TLN1: variants seen among roughly 807,000 people sequenced by gnomAD.
TLN1 encodes talin-1.
TLN1 carries 56 observed loss-of-function variants against 292.3 expected under a neutral mutation model. The observed-to-expected ratio is 0.19, with a 90% CI of 0.15 to 0.24. The LOEUF (loss-of-function observed/expected upper bound fraction) is 0.24, where lower values mean the gene tolerates loss of function less well. Ranked by LOEUF, TLN1 falls within the 10% of genes least tolerant of loss-of-function variation. The pLI, the probability that TLN1 is intolerant of heterozygous loss-of-function variation, is 1.00. For synonymous variants in TLN1, 1,119 were observed against 1,253.7 expected (o/e 0.89, Z 2.27); for missense variants, 2,433 against 3,248.2 (o/e 0.75, Z 6.10).
intron 10 of TLN1, among the ~76,000 whole-genome samples, 186 bp downstream of exon 10, chr9:35,721,462 A>G (rs1428255652): frequency 1.3e-5 from 2 of 152,214 alleles, no homozygotes; most frequent in East Asian, 1.9e-4. Flanking sequence ...ATTTTAAAGA[A>G]TAAGTCCATC....
In TLN1 at chr9:35,698,549, G is replaced by T. The variant is rs369570154; in HGVS notation, c.7189-44C>A. On this transcript the variant is annotated intron_variant, in intron 54 of 56. Transcript: ENST00000314888. The surrounding 1 kb of genome is among the most constrained non-coding windows in gnomAD (Gnocchi z 5.3). Reference sequence around the variant, plus strand: ...GCTTAAAAATATGCCCCTTGCCCTGGTCCATCCCCACTCCAGCCTTCTCAA... The same window carrying T: ...GCTTAAAAATATGCCCCTTGCCCTGTTCCATCCCCACTCCAGCCTTCTCAA... The T allele has an allele frequency of 6.2e-6, 10 of 1,613,684 alleles. No homozygotes were observed. In the Admixed American group the frequency reaches 1.7e-4, roughly 27 times the overall value.
chr9:35,697,635 A>G lies in TLN1; in HGVS notation c.*156T>C. The G allele has an allele frequency of 9.2e-7, 1 of 1,084,880 alleles. No homozygotes were observed. The highest frequency in any genetic ancestry group is 1.6e-5 in the African/African-American group (1 of 61,322). The allele number at this position is 1,084,880 out of a possible 1,614,324, so 67.2% of individuals were successfully genotyped here. A position where few individuals can be genotyped will look rare whatever the true frequency, so the allele number is the denominator to read the frequency against. ...CTTGGGGTTGGGGAGGGGACAGGGG[A>G]TGTACTGCGGGACTGGGCGGGGCCA... On this transcript the variant is annotated 3_prime_UTR_variant, in exon 57 of 57. Coordinates refer to ENST00000314888, the MANE Select transcript of TLN1 (RefSeq NM_006289.4).
intron 33 of TLN1, among the ~76,000 whole-genome samples, chr9:35,709,873 C>T (rs1378184458): frequency 6.0e-5 from 6 of 99,638 alleles, no homozygotes; most frequent in Admixed American, 1.6e-4. Flanking sequence ...GGCGACAGAG[C>T]GAAACTCGGT....
intron 32 of TLN1, 54 bp downstream of exon 32, chr9:35,710,743 C>T (rs1825653766): frequency 6.2e-7 from 1 of 1,613,046 alleles, no homozygotes; most frequent in Non-Finnish European, 8.5e-7. Context: ...AGGGCAGCAT[C>T]TGGTTAGCTC....
rs148167076 is a variant in TLN1 at position 35,718,914 on chromosome 9, T to C, written c.1897-4A>G. 110 of 1,611,448 alleles carry C rather than the reference T, an allele frequency of 6.8e-5. No homozygotes were observed. In the African/African-American group the frequency reaches 1.1e-3, roughly 17 times the overall value. ...CTTGCAGCAGGTTCTGACGGGGCTGTGGAGAGTGAACACCAGTCAGAAGCT... is the reference window on the plus strand; with the variant it reads ...CTTGCAGCAGGTTCTGACGGGGCTGCGGAGAGTGAACACCAGTCAGAAGCT... On this transcript the variant is annotated splice_polypyrimidine_tract_variant and splice_region_variant and intron_variant, in intron 16 of 56. Coordinates refer to ENST00000314888, the MANE Select transcript of TLN1 (RefSeq NM_006289.4).
chr9:35,716,274 G>T, intron 20 of TLN1, 116 bp downstream of exon 20: 9 of 1,143,872 alleles, frequency 7.9e-6, no homozygotes, highest in South Asian at 1.6e-5. Flanking sequence ...TCCTATATTT[G>T]TCCTCTTGTG....
chr9:35,713,836 AAGAG>A (rs946905441), intron 25 of TLN1, 113 bp downstream of exon 25: 4 of 1,107,556 alleles, frequency 3.6e-6, no homozygotes, highest in African/African-American at 1.6e-5. Context: ...AGAAAAATAA[AAGAG>A]AGAAAGAGAA....
rs371939605 is a variant in TLN1 at position 35,698,946 on chromosome 9, A to T, written c.7000-13T>A. 6 of 1,612,788 alleles carry T rather than the reference A, an allele frequency of 3.7e-6. 1 individual carries two copies. The highest frequency in any genetic ancestry group is 4.2e-6 in the Non-Finnish European group (5 of 1,178,936). ...ACTCATCTGCCTCCTGCAATAAGCG[A>T]AGGTTGCAGAAAGAGATGTAAAGTC... On this transcript the variant is annotated splice_polypyrimidine_tract_variant and intron_variant, in intron 52 of 56. Coordinates refer to ENST00000314888, the MANE Select transcript of TLN1 (RefSeq NM_006289.4). This position sits in a 1 kb window ranked among gnomAD's most constrained non-coding sequence, Gnocchi z 5.3.
At position 35,698,599 on chromosome 9, in the gene TLN1, G is replaced by A; in HGVS notation, c.7188+18C>T. On this transcript the variant is annotated intron_variant, in intron 54 of 56. Transcript: ENST00000314888. The surrounding 1 kb of genome is among the most constrained non-coding windows in gnomAD (Gnocchi z 5.3). ...AGTCTCTCAAACTGAGAGAGACCTA[G>A]TGGTATTGCACACTTACAGCAGAAA... The A allele has an allele frequency of 6.2e-7, 1 of 1,614,124 alleles. No homozygotes were observed. Among genetic ancestry groups the A allele is most frequent in the Non-Finnish European group, 8.5e-7 (1 of 1,180,040 alleles).
chr9:35,722,981 T>C (rs1825903251), intron 7 of TLN1, 60 bp from the exon 8 acceptor site: 2 of 1,491,206 alleles, frequency 1.3e-6, no homozygotes, highest in South Asian at 1.1e-5. Context: ...ATGTGGGCCA[T>C]GAACTGTGGG....
rs1406465413 is a variant in TLN1, at chr9:35,721,651, G to A, written c.1101C>T (p.Thr367=). ...TTGTTATAGTCCCCAGACTTACCAG[G>A]GTGAAGCTTTTGGGAGACGCAGCCC... The part of the protein sequence containing the change: ...KRWAASPKSF[T]LDFGDYQDGY... The change falls in exon 10 of 57, where the codon ACC becomes ACT. Residue 367 remains threonine (T), a synonymous_variant. Transcript: ENST00000314888. 1 of 1,612,366 alleles carries A rather than the reference G, an allele frequency of 6.2e-7. No homozygotes were observed. Among genetic ancestry groups the A allele is most frequent in the Non-Finnish European group, 8.5e-7 (1 of 1,178,528 alleles).
At chr9:35,720,351 T>TC in intron 12 of TLN1, 82 bp downstream of exon 12, 1 of 1,560,502 alleles carries the variant, frequency 6.4e-7, no homozygotes, top group Non-Finnish European at 8.8e-7. Context: ...TTCTAAGGAC[T>TC]CCCCACCTCC....
In TLN1 at chr9:35,717,845, C is replaced by T. The variant is rs372685575; in HGVS notation, c.1996-59G>A. ...TTGGGCTTGGGATTCACAGACACTT[C>T]TCAGAGGCGTAAGCTGCTTCATTAT... On this transcript the variant is annotated intron_variant, in intron 17 of 56. Coordinates refer to ENST00000314888, the MANE Select transcript of TLN1 (RefSeq NM_006289.4). This position sits in a 1 kb window ranked among gnomAD's most constrained non-coding sequence, Gnocchi z 4.7. 1.9e-6 allele frequency: 3 copies of T among 1,549,300 alleles called. No homozygotes were observed. Among genetic ancestry groups the T allele is most frequent in the Non-Finnish European group, 2.6e-6 (3 of 1,138,202 alleles).
rs1035109858 is a variant in TLN1, at chr9:35,720,626, TTTC to T, written c.1207-120_1207-118del. 7 of 1,180,638 alleles carry T rather than the reference TTTC, an allele frequency of 5.9e-6. No homozygotes were observed. The African/African-American group carries it at 6.4e-5, about 11-fold the overall frequency. 73.1% of individuals were successfully genotyped at this position (1,180,638 alleles called of 1,614,324 possible). ...TCCAGAAGCTGAGTGTCCATTTCTT[TTTC>T]TTTTTTTTTTTTTTTTGACAAGAAA... On this transcript the variant is annotated intron_variant, in intron 11 of 56. Coordinates refer to ENST00000314888, the MANE Select transcript of TLN1 (RefSeq NM_006289.4).
In TLN1 at chr9:35,718,864, C is replaced by A; in HGVS notation, c.1943G>T (p.Ser648Ile). The A allele has an allele frequency of 6.2e-7, 1 of 1,613,750 alleles. No individual in the cohort carries two copies. The highest frequency in any genetic ancestry group is 8.5e-7 in the Non-Finnish European group (1 of 1,179,850). The change falls in exon 17 of 57, where the codon AGT becomes ATT. Residue 648 changes from serine (S) to isoleucine (I), a missense_variant. By Grantham distance (142) the Ser-to-Ile change is moderately radical (BLOSUM62 -2). Around this residue, in one of 7 missense-constraint regions of TLN1, gnomAD observed 617 missense variants for 770.6 expected, o/e 0.80. Coordinates refer to ENST00000314888, the MANE Select transcript of TLN1 (RefSeq NM_006289.4). ...LQAAGNVGQA[S>I]GELLQQIGES... ...CCCAATTTGTTGCAACAGCTCCCCACTGGCCTGGCCCACGTTCCCAGCTGC... is the reference window on the plus strand; with the variant it reads ...CCCAATTTGTTGCAACAGCTCCCCAATGGCCTGGCCCACGTTCCCAGCTGC...
rs542074964 is a variant in TLN1 at position 35,732,107 on chromosome 9, G to GCCCGCCGC, written c.-74_-67dup. On this transcript the variant is annotated 5_prime_UTR_variant, in exon 1 of 57. Transcript: ENST00000314888. This position sits in a 1 kb window ranked among gnomAD's most constrained non-coding sequence, Gnocchi z 5.1. ...GCCTGGCTCTGCGCCCCGCCCGCCG[G>GCCCGCCGC]CCCGCCGCCCCGCCGCTTCTCGGGT... 2.4e-3 allele frequency: 361 copies of GCCCGCCGC among 153,340 alleles called. 5 individuals are homozygous for GCCCGCCGC. The highest frequency in any genetic ancestry group is 0.016 in the Admixed American group (238 of 15,248). 9.5% of individuals were successfully genotyped at this position (153,340 alleles called of 1,614,324 possible). A position where few individuals can be genotyped will look rare whatever the true frequency, so the allele number is the denominator to read the frequency against.
chr9:35,719,273 G>A lies in TLN1; in HGVS notation c.1697C>T (p.Ala566Val). 2 of 1,613,228 alleles carry A rather than the reference G, an allele frequency of 1.2e-6. No homozygotes were observed. The highest frequency in any genetic ancestry group is 1.7e-6 in the Non-Finnish European group (2 of 1,179,354). Residue 566 changes from alanine (A) to valine (V), a missense_variant, in exon 16 of 57, where the codon GCT (alanine) becomes GTT (valine). Ala to Val is a moderately conservative substitution (Grantham distance 64). Coordinates refer to ENST00000314888, the MANE Select transcript of TLN1 (RefSeq NM_006289.4). This position sits in a 1 kb window ranked among gnomAD's most constrained non-coding sequence, Gnocchi z 4.6. ...GCCCACTGCGGTATAGTCTGTCTCA[G>A]CAGGGTCCCCTAAGGGGAAAAGGAG... ...SVVNLTAGDP[A>V]ETDYTAVGCA...
intron 1 of TLN1, among the ~76,000 whole-genome samples, chr9:35,726,232 G>C (rs184416498): frequency 2.2e-4 from 34 of 152,302 alleles, no homozygotes; most frequent in Non-Finnish European, 2.1e-4. Flanking sequence ...TAAGACATCT[G>C]AGGGAAAGGA....
At position 35,707,964 on chromosome 9, in the gene TLN1, A is replaced by G; in HGVS notation, c.4471-72T>C. 1 of 1,561,108 alleles carries G rather than the reference A, an allele frequency of 6.4e-7. No individual in the cohort carries two copies. Among genetic ancestry groups the G allele is most frequent in the Non-Finnish European group, 8.8e-7 (1 of 1,142,348 alleles). On this transcript the variant is annotated intron_variant, in intron 34 of 56. Coordinates refer to ENST00000314888, the MANE Select transcript of TLN1 (RefSeq NM_006289.4). The surrounding 1 kb of genome is among the most constrained non-coding windows in gnomAD (Gnocchi z 5.6). ...TACATACCCAAGGAGGAGCCATTTT[A>G]GGGTCAGGGGATGGAGAGCAATACC...
Sources: gnomAD v4.1 joint callset for allele counts (sites outside exome capture counted in the v4.1 genomes callset) on GRCh38, gnomAD v4.1.1 for gene constraint, gnomAD v4.1.1 regional missense constraint, Gnocchi (gnomAD v3.1) non-coding constraint, MANE v1.5 for transcripts, NCBI Gene and HGNC (gene_info 2026-07-23, HGNC 2026-07-21) for gene names.